PACS1: variants seen among roughly 807,000 people sequenced by gnomAD.
PACS1 encodes the protein phosphofurin acidic cluster sorting protein 1, also known as PACS-1.
PACS1 carries 24 observed loss-of-function variants against 115.0 expected under a neutral mutation model. The ratio of observed to expected loss-of-function variants is 0.21; its 90% confidence interval spans 0.15 to 0.29. The LOEUF is 0.29. PACS1 is among the 10% of genes least tolerant of loss of function. PACS1 has a pLI of 1.00. For synonymous variants in PACS1, 453 were observed against 504.5 expected (o/e 0.90, Z 1.37); for missense variants, 838 against 1,251.2 (o/e 0.67, Z 4.98).
chr11:66,196,411 T>C (rs1036096395), intron 2 of PACS1, among the ~76,000 whole-genome samples: 4 of 152,174 alleles, frequency 2.6e-5, no homozygotes, highest in African/African-American at 9.7e-5. Context: ...CTAGAGCCTG[T>C]GTGAGGTGGA....
intron 3 of PACS1, among the ~76,000 whole-genome samples, chr11:66,210,773 C>T (rs774726824): frequency 2.6e-4 from 40 of 152,250 alleles, no homozygotes; most frequent in Non-Finnish European, 5.0e-4. Context: ...CCACCATCAG[C>T]CTCCACGTCG....
chr11:66,136,772 A>G (rs1012596499), intron 1 of PACS1, among the ~76,000 whole-genome samples: 2 of 152,068 alleles, frequency 1.3e-5, no homozygotes, highest in Non-Finnish European at 2.9e-5. Flanking sequence ...TAAGTTCTCT[A>G]TGTTCGGCTA....
intron 1 of PACS1, among the ~76,000 whole-genome samples, chr11:66,125,278 C>G (rs1248917921): frequency 6.6e-6 from 1 of 151,998 alleles, no homozygotes; most frequent in Non-Finnish European, 1.5e-5. Context: ...ACCAAAATCT[C>G]AAAAACCTAC....
chr11:66,086,724 T>G (rs1487990330), intron 1 of PACS1, among the ~76,000 whole-genome samples: 1 of 152,172 alleles, frequency 6.6e-6, no homozygotes, highest in Non-Finnish European at 1.5e-5. Context: ...CAAGTGATTC[T>G]CGTGCCTCAG....
At chr11:66,220,293 T>G (rs1855312437) in intron 8 of PACS1, 2 of 315,110 alleles carry the variant, frequency 6.3e-6, no homozygotes, top group Non-Finnish European at 1.2e-5. Context: ...GGGATAAAGA[T>G]GAAAATTGTT....
In PACS1 at chr11:66,070,426, G is replaced by A; in HGVS notation, c.-61G>A. 2.9e-6 allele frequency: 3 copies of A among 1,048,076 alleles called. No homozygotes were observed. The highest frequency in any genetic ancestry group is 3.6e-6 in the Non-Finnish European group (3 of 828,784). 64.9% of individuals were successfully genotyped at this position (1,048,076 alleles called of 1,614,324 possible). The stretch of plus-strand genomic sequence containing the variant: ...CGCGCCCCCGCCGCCGCCGCCGCGG[G>A]GGAAGCCTGGGAGCCAGATCGGCGT... On this transcript the variant is annotated 5_prime_UTR_variant, in exon 1 of 24. Coordinates refer to ENST00000320580, the MANE Select transcript of PACS1 (RefSeq NM_018026.4). The surrounding 1 kb of genome is among the most constrained non-coding windows in gnomAD (Gnocchi z 5.9).
chr11:66,195,253 C>G (rs959173009), intron 2 of PACS1, among the ~76,000 whole-genome samples: 1 of 152,148 alleles, frequency 6.6e-6, no homozygotes, highest in Admixed American at 6.5e-5. Flanking sequence ...TTTAATTACT[C>G]ATGAATTCCT....
intron 1 of PACS1, among the ~76,000 whole-genome samples, chr11:66,134,300 C>A (rs192283306): frequency 9.2e-6 from 1 of 108,630 alleles, no homozygotes; most frequent in Non-Finnish European, 1.7e-5. Context: ...CTCGCTCTGT[C>A]CCCCAAGCTG....
At chr11:66,137,573 C>G (rs1217321819) in intron 1 of PACS1, among the ~76,000 whole-genome samples, 1 of 152,210 alleles carries the variant, frequency 6.6e-6, no homozygotes, top group African/African-American at 2.4e-5. Context: ...TCCAGCCGGT[C>G]AGGATGGTCT....
At chr11:66,115,858 C>T (rs943028035) in intron 1 of PACS1, among the ~76,000 whole-genome samples, 3 of 152,200 alleles carry the variant, frequency 2.0e-5, no homozygotes, top group Non-Finnish European at 1.5e-5. Flanking sequence ...GAAGGCGTTG[C>T]AGTTGTTAGA....
chr11:66,232,926 C>G, intron 14 of PACS1, 34 bp from the exon 15 acceptor site: 1 of 1,498,170 alleles, frequency 6.7e-7, no homozygotes, highest in East Asian at 2.3e-5. Flanking sequence ...TGTGTTCTCA[C>G]CTGTGTCCCT....
At chr11:66,239,053 C>G in intron 20 of PACS1, 89 bp from the exon 21 acceptor site, 2 of 1,587,652 alleles carry the variant, frequency 1.3e-6, no homozygotes, top group Non-Finnish European at 1.7e-6. Context: ...AAGCAGGCCA[C>G]AGGATGGGAG....
At chr11:66,123,083 A>G (rs971848732) in intron 1 of PACS1, among the ~76,000 whole-genome samples, 22 of 151,966 alleles carry the variant, frequency 1.4e-4, no homozygotes, top group African/African-American at 4.1e-4. Flanking sequence ...AGATACCCCA[A>G]CCTTTAGCAG....
At chr11:66,109,619 C>T (rs1858140210) in intron 1 of PACS1, among the ~76,000 whole-genome samples, 2 of 152,132 alleles carry the variant, frequency 1.3e-5, no homozygotes, top group Non-Finnish European at 2.9e-5. Flanking sequence ...TTACTCCAGC[C>T]TCTCTCCCCA....
intron 21 of PACS1, 107 bp downstream of exon 21, chr11:66,239,384 G>A (rs763495483): frequency 8.1e-5 from 108 of 1,337,236 alleles, no homozygotes; most frequent in Middle Eastern, 7.2e-4. Flanking sequence ...GAAGCCGGGC[G>A]TGGTAGTGCA....
chr11:66,221,935 G>A (rs1265216937), intron 10 of PACS1, among the ~76,000 whole-genome samples: 1 of 152,158 alleles, frequency 6.6e-6, no homozygotes, highest in African/African-American at 2.4e-5. Flanking sequence ...GAGCAACATG[G>A]TGAAAGCCCA....
intron 1 of PACS1, chr11:66,100,827 TG>T: frequency 2.2e-6 from 1 of 456,296 alleles, no homozygotes; most frequent in Non-Finnish European, 4.4e-6. Context: ...GAACTGTGGC[TG>T]GAACACCTGT....
Position 66,244,741 on chromosome 11 carries a change from C to T in PACS1, c.*1461C>T, listed in dbSNP as rs1205754988. 6.6e-6 allele frequency: 1 copy of T among 152,200 alleles called. No homozygotes were observed. The highest frequency in any genetic ancestry group is 1.5e-5 in the Non-Finnish European group (1 of 68,092). 9.4% of individuals were successfully genotyped at this position (152,200 alleles called of 1,614,324 possible). A position where few individuals can be genotyped will look rare whatever the true frequency, so the allele number is the denominator to read the frequency against. ...ATTCAATAAATTGGTGATTTCTTACCGACTGCCTTGGGCTTCTATGCCCCC... is the reference window on the plus strand; with the variant it reads ...ATTCAATAAATTGGTGATTTCTTACTGACTGCCTTGGGCTTCTATGCCCCC... On this transcript the variant is annotated 3_prime_UTR_variant, in exon 24 of 24. Transcript: ENST00000320580.
Position 66,208,658 on chromosome 11 carries a change from T to TAA in PACS1, c.445-1690_445-1689dup, listed in dbSNP as rs769442696. Among the ~76,000 whole-genome samples, 772 of 112,516 alleles carry TAA rather than the reference T, an allele frequency of 6.9e-3. 7 individuals are homozygous for TAA. The highest frequency in any genetic ancestry group is 0.016 in the African/African-American group (429 of 27,014). The allele number at this position is 112,516 out of a possible 152,430, so 73.8% of individuals were successfully genotyped here. A position where few individuals can be genotyped will look rare whatever the true frequency, so the allele number is the denominator to read the frequency against. ...AGTGAGACCTCGTCTCTCTTTTTAT[T>TAA]AAAAAAAAAAAAAAAGAAGAAGAAA... On this transcript the variant is annotated intron_variant, in intron 2 of 23. Transcript: ENST00000320580.
Sources: allele counts gnomAD v4.1 joint callset (sites outside exome capture counted in the v4.1 genomes callset), GRCh38; gene constraint gnomAD v4.1.1; non-coding constraint Gnocchi (gnomAD v3.1); transcripts MANE v1.5; gene names NCBI Gene and HGNC (gene_info 2026-07-23, HGNC 2026-07-21).